The following NUDT13 variants were observed in gnomAD, a reference collection of about 807,000 sequenced individuals.
NUDT13 encodes nudix hydrolase 13, also known as NAD(P)H pyrophosphatase NUDT13, mitochondrial.
NUDT13 carries 40 observed loss-of-function variants against 41.7 expected under a neutral mutation model. The ratio of observed to expected loss-of-function variants is 0.96; its 90% CI spans 0.75 to 1.25. The LOEUF (loss-of-function observed/expected upper bound fraction) is 1.25, where lower values mean the gene tolerates loss of function less well. Ranked by LOEUF, NUDT13 falls within the 50% of genes most tolerant of loss-of-function variation. NUDT13 has a pLI of 0.00. For missense variants in NUDT13, 390 were observed against 416.1 expected (o/e 0.94, Z 0.55); for synonymous variants, 145 against 155.5 (o/e 0.93, Z 0.50).
chr10:73,131,498 G>A lies in NUDT13; in HGVS notation c.*595G>A, dbSNP rs1049050295. ...TACTTTATAATAAATCAGATGCCCTGAGGCTCTGTTGAGGAAGTAGAATCC... is the reference window on the plus strand; with the variant it reads ...TACTTTATAATAAATCAGATGCCCTAAGGCTCTGTTGAGGAAGTAGAATCC... On this transcript the variant is annotated 3_prime_UTR_variant, in exon 9 of 9. Transcript: ENST00000357321. The A allele has an allele frequency of 6.5e-6, 1 of 153,538 alleles. No homozygotes were observed. Among genetic ancestry groups the A allele is most frequent in the Non-Finnish European group, 1.5e-5 (1 of 68,964 alleles). The allele number at this position is 153,538 out of a possible 1,614,324, so 9.5% of individuals were successfully genotyped here.
At chr10:73,120,208 G>A (rs1328419542) in intron 3 of NUDT13, 51 bp downstream of exon 3, 1 of 1,569,304 alleles carries the variant, frequency 6.4e-7, no homozygotes, top group East Asian at 2.3e-5. Flanking sequence ...CCACTACGCA[G>A]AATTCAGCCC....
intron 1 of NUDT13, among the ~76,000 whole-genome samples, chr10:73,112,973 T>C (rs12252862): frequency 0.16 from 23,908 of 152,058 alleles, 3,123 homozygotes; most frequent in African/African-American, 0.33. Context: ...CTGCAACCTC[T>C]GCCTCCTAGG....
chr10:73,125,634 A>G (rs933428378), intron 7 of NUDT13, 125 bp downstream of exon 7: 1 of 378,982 alleles, frequency 2.6e-6, no homozygotes, highest in Admixed American at 4.4e-5. Context: ...ATGTCAAGAA[A>G]ACTGCTTTCT....
At chr10:73,125,018 G>C (rs1589665013) in intron 5 of NUDT13, 100 bp from the exon 6 acceptor site, 1 of 1,368,310 alleles carries the variant, frequency 7.3e-7, no homozygotes, top group Non-Finnish European at 9.8e-7. Context: ...AAAGAGATTG[G>C]CATTTTTCTG....
intron 2 of NUDT13, among the ~76,000 whole-genome samples, chr10:73,118,950 TGACAGAG>T (rs1842576741): frequency 6.6e-6 from 1 of 151,718 alleles, no homozygotes; most frequent in Non-Finnish European, 1.5e-5. Context: ...CCAGCCTGGG[TGACAGAG>T]TGAGACTCTG....
intron 7 of NUDT13, 103 bp from the exon 8 acceptor site, chr10:73,126,570 C>T: frequency 1.5e-6 from 2 of 1,293,182 alleles, no homozygotes; most frequent in South Asian, 1.5e-5. Flanking sequence ...AAGAGCATTT[C>T]ATTGAAACTT....
Position 73,122,230 on chromosome 10 carries a change from T to C in NUDT13, c.279T>C (p.Ser93=). 1.2e-6 allele frequency: 2 copies of C among 1,614,176 alleles called. No individual in the cohort carries two copies. The highest frequency in any genetic ancestry group is 1.6e-4 in the Middle Eastern group (1 of 6,062). ...AGGATGCACAAAGAATAGAAGATTC[T>C]GTGCTGATTGGATGCTCTGAGCAGC... is the stretch of plus-strand genomic sequence containing the variant. ...FGQDAQRIED[S]VLIGCSEQQE... Residue 93 remains serine (S), a synonymous_variant, in exon 4 of 9, where the codon TCT becomes TCC. Transcript: ENST00000357321.
At chr10:73,116,156 C>T (rs1467449635) in intron 2 of NUDT13, among the ~76,000 whole-genome samples, 1 of 151,970 alleles carries the variant, frequency 6.6e-6, no homozygotes, top group Non-Finnish European at 1.5e-5. Flanking sequence ...GCTACTTGTA[C>T]ACCACCATGC....
intron 4 of NUDT13, 25 bp downstream of exon 4, chr10:73,122,334 T>C (rs148342282): frequency 6.3e-7 from 1 of 1,593,320 alleles, no homozygotes; most frequent in Non-Finnish European, 8.5e-7. Context: ...TCCTAACGGG[T>C]ACTTCCCAGT....
intron 8 of NUDT13, among the ~76,000 whole-genome samples, chr10:73,129,406 T>G (rs1204114461): frequency 6.6e-6 from 1 of 151,854 alleles, no homozygotes; most frequent in Non-Finnish European, 1.5e-5. Context: ...ACTCCTGACC[T>G]CAGGTGATCC....
At chr10:73,127,186 C>T (rs1842810024) in intron 8 of NUDT13, among the ~76,000 whole-genome samples, 1 of 152,136 alleles carries the variant, frequency 6.6e-6, no homozygotes, top group Non-Finnish European at 1.5e-5. Flanking sequence ...CAAGACCAGC[C>T]TGGCCAAGAT....
At position 73,114,380 on chromosome 10, in the gene NUDT13, T is replaced by A; in HGVS notation, c.15T>A (p.Cys5Ter). The A allele has an allele frequency of 6.3e-7, 1 of 1,577,074 alleles. No homozygotes were observed. Among genetic ancestry groups the A allele is most frequent in the South Asian group, 1.2e-5 (1 of 86,914 alleles). The change falls in exon 2 of 9, where the codon TGT becomes TGA. Residue 5 changes from cysteine to a stop codon, truncating the protein, a stop_gained. Coordinates refer to ENST00000357321, the MANE Select transcript of NUDT13 (RefSeq NM_015901.6). LOFTEE classifies it high-confidence loss of function. ...AGGACCTGACAATGTCCCTGTATTG[T>A]GGAATAGCTTGCAGGAGAAAATTTT... MSLY[C>*]GIACRRKFFW...
rs1842730766 is a variant in NUDT13 at position 73,124,787 on chromosome 10, A to G, written c.466-331A>G. ...TTCCAACTTTACCAGGGAGAAGAAC[A>G]TTTTGGGGTGTTCAACTGTACTGGG... On this transcript the variant is annotated intron_variant, in intron 5 of 8. Coordinates refer to ENST00000357321, the MANE Select transcript of NUDT13 (RefSeq NM_015901.6). The G allele has an allele frequency of 2.2e-5, 5 of 222,860 alleles. 1 individual carries two copies. In the South Asian group the frequency reaches 6.4e-4, roughly 28 times the overall value. 13.8% of individuals were successfully genotyped at this position (222,860 alleles called of 1,614,324 possible).
chr10:73,123,091 G>A (rs1842686824), intron 4 of NUDT13, among the ~76,000 whole-genome samples: 1 of 151,202 alleles, frequency 6.6e-6, no homozygotes, highest in African/African-American at 2.4e-5. Context: ...GTAGAGACGG[G>A]GTTTCTCCAT....
rs1033406326 is a variant in NUDT13 at position 73,116,571 on chromosome 10, G to A, written c.83+2123G>A. Among the ~76,000 whole-genome samples, 13 of 152,022 alleles carry A rather than the reference G, an allele frequency of 8.6e-5. 1 individual carries two copies. In the South Asian group the frequency reaches 1.2e-3, roughly 15 times the overall value. ...CCAGCTTGGCCGGCATGGTGAAGCC[G>A]TCTCTACTAAAAATACAAAAATTAG... On this transcript the variant is annotated intron_variant, in intron 2 of 8. Transcript: ENST00000357321.
chr10:73,124,476 A>G (rs1440963780), intron 5 of NUDT13, 156 bp downstream of exon 5: 2 of 571,368 alleles, frequency 3.5e-6, no homozygotes, highest in Non-Finnish European at 6.2e-6. Context: ...CTGTAGGGAG[A>G]TTGCTTATTC....
chr10:73,125,564 T>C, intron 7 of NUDT13, 55 bp downstream of exon 7: 2 of 1,155,110 alleles, frequency 1.7e-6, no homozygotes. Flanking sequence ...ATCTTACTAA[T>C]ACAATCTTCT....
chr10:73,115,419 C>A (rs1842484332), intron 2 of NUDT13, among the ~76,000 whole-genome samples: 2 of 151,966 alleles, frequency 1.3e-5, no homozygotes, highest in Admixed American at 6.6e-5. Flanking sequence ...GGCAATCCAC[C>A]TGCCTTGACC....
intron 3 of NUDT13, among the ~76,000 whole-genome samples, chr10:73,120,720 C>T (rs1364112616): frequency 6.6e-6 from 1 of 152,108 alleles, no homozygotes; most frequent in East Asian, 1.9e-4. Context: ...GGGCAGATCA[C>T]GAGGTCAAGA....
Sources: gnomAD v4.1 joint callset for allele counts (sites outside exome capture counted in the v4.1 genomes callset) on GRCh38, gnomAD v4.1.1 for gene constraint, MANE v1.5 for transcripts, NCBI Gene and HGNC (gene_info 2026-07-23, HGNC 2026-07-21) for gene names.